Variants in SBF2 observed in about 807,000 individuals in gnomAD.
The protein encoded by SBF2 is SET binding factor 2.
A neutral mutation model predicts 225.2 loss-of-function variants in SBF2; 112 were observed. The ratio of observed to expected loss-of-function variants is 0.50; its 90% CI spans 0.43 to 0.58. The LOEUF is 0.58. Ranked by LOEUF, SBF2 falls within the 20% of genes least tolerant of loss-of-function variation. The probability of loss-of-function intolerance (pLI) is 0.00; values close to 1 mark genes in which losing one functional copy is unlikely to be tolerated. For missense variants in SBF2, 1,996 were observed against 2,206.2 expected (o/e 0.90, Z 1.91); for synonymous variants, 763 against 773.3 (o/e 0.99, Z 0.22).
intron 28 of SBF2, among the ~76,000 whole-genome samples, chr11:9,819,811 G>C (rs1435694693): frequency 6.6e-6 from 1 of 152,164 alleles, no homozygotes; most frequent in Non-Finnish European, 1.5e-5. Flanking sequence ...GAATAACTAA[G>C]GGCATGTTTT....
At chr11:9,938,603 A>G (rs546573958) in intron 16 of SBF2, among the ~76,000 whole-genome samples, 8 of 152,356 alleles carry the variant, frequency 5.3e-5, no homozygotes, top group African/African-American at 1.9e-4. Context: ...CAGTATGTAT[A>G]AAAATCCAAT....
intron 2 of SBF2, among the ~76,000 whole-genome samples, chr11:10,154,204 T>C (rs1424513945): frequency 6.6e-6 from 1 of 152,130 alleles, no homozygotes; most frequent in Non-Finnish European, 1.5e-5. Flanking sequence ...ATTGCTATCC[T>C]ATACAAAAAT....
intron 2 of SBF2, among the ~76,000 whole-genome samples, chr11:10,096,124 C>T (rs1312710324): frequency 6.6e-6 from 1 of 151,950 alleles, no homozygotes. Flanking sequence ...CAAAGGAGAC[C>T]TTCATAAACA....
intron 16 of SBF2, among the ~76,000 whole-genome samples, chr11:9,900,303 T>A (rs1861621609): frequency 6.6e-6 from 1 of 152,202 alleles, no homozygotes; most frequent in Non-Finnish European, 1.5e-5. Context: ...ACTTTTAAAC[T>A]TAACTTCCTC....
At chr11:10,107,772 C>T (rs558854367) in intron 2 of SBF2, among the ~76,000 whole-genome samples, 6 of 152,248 alleles carry the variant, frequency 3.9e-5, no homozygotes, top group South Asian at 4.1e-4. Context: ...ATTTACGGCC[C>T]GTCCTAATAC....
intron 28 of SBF2, among the ~76,000 whole-genome samples, chr11:9,826,717 A>G (rs547378277): frequency 6.0e-4 from 78 of 130,836 alleles, no homozygotes; most frequent in African/African-American, 2.2e-3. Flanking sequence ...TGGTGTGTAT[A>G]TATATATATA....
intron 1 of SBF2, among the ~76,000 whole-genome samples, chr11:10,290,949 C>T (rs1964122363): frequency 6.6e-6 from 1 of 152,084 alleles, no homozygotes; most frequent in South Asian, 2.1e-4. Flanking sequence ...AACCAGGGAT[C>T]CCTAAATGGC....
At chr11:9,816,662 A>G (rs1236304433) in intron 29 of SBF2, among the ~76,000 whole-genome samples, 178 bp downstream of exon 29, 1 of 151,872 alleles carries the variant, frequency 6.6e-6, no homozygotes, top group Admixed American at 6.6e-5. Flanking sequence ...ATGTATTGAT[A>G]TAAAAATTAA....
intron 16 of SBF2, among the ~76,000 whole-genome samples, chr11:9,920,157 T>C (rs967812723): frequency 6.6e-6 from 1 of 151,572 alleles, no homozygotes; most frequent in Non-Finnish European, 1.5e-5. Context: ...ATATAACTCA[T>C]AAGGCTCAAA....
At chr11:10,288,276 AG>A (rs1963930289) in intron 1 of SBF2, among the ~76,000 whole-genome samples, 1 of 152,190 alleles carries the variant, frequency 6.6e-6, no homozygotes, top group Non-Finnish European at 1.5e-5. Flanking sequence ...TTCTGTGACC[AG>A]GAAGAATGAG....
At chr11:9,842,374 T>C (rs1856219558) in intron 25 of SBF2, among the ~76,000 whole-genome samples, 1 of 152,216 alleles carries the variant, frequency 6.6e-6, no homozygotes, top group Admixed American at 6.5e-5. Context: ...CTTCTTTTAA[T>C]GAGACACACA....
rs1334804368 is a variant in SBF2 at position 9,789,365 on chromosome 11, A to G, written c.4699-23T>C. 2.5e-6 allele frequency: 4 copies of G among 1,586,076 alleles called. No homozygotes were observed. The East Asian group carries it at 8.9e-5, about 35-fold the overall frequency. ...AGCCTGTTAAAGAAAACAGAAATAT[A>G]GTTTCATCTTGACCCCAAAGTACCC... On this transcript the variant is annotated intron_variant, in intron 34 of 39. Coordinates refer to ENST00000256190, the MANE Select transcript of SBF2 (RefSeq NM_030962.4).
At chr11:10,297,237 T>G (rs183856725), upstream of SBF2, among the ~76,000 whole-genome samples, 18 of 152,196 alleles carry the variant, frequency 1.2e-4, no homozygotes, top group African/African-American at 4.3e-4. Context: ...CATTTTATTT[T>G]TATGTAGAGA....
chr11:10,046,740 T>C (rs961459823), intron 2 of SBF2, among the ~76,000 whole-genome samples: 2 of 151,866 alleles, frequency 1.3e-5, no homozygotes, highest in Non-Finnish European at 2.9e-5. Context: ...CTTTCACCAC[T>C]GCTTCTCAAT....
At chr11:9,880,084 TAAA>T (rs58140393) in intron 17 of SBF2, among the ~76,000 whole-genome samples, 1 of 51,992 alleles carries the variant, frequency 1.9e-5, no homozygotes, top group Non-Finnish European at 3.5e-5. Flanking sequence ...CTCTGTCTCA[TAAA>T]AAAAAAAAAA....
At chr11:10,083,508 G>C (rs1487954892) in intron 2 of SBF2, among the ~76,000 whole-genome samples, 1 of 152,046 alleles carries the variant, frequency 6.6e-6, no homozygotes, top group Non-Finnish European at 1.5e-5. Context: ...AACCAAAACA[G>C]CATTGTACTA....
chr11:9,966,417 T>C (rs941903752), intron 14 of SBF2, among the ~76,000 whole-genome samples: 2 of 152,228 alleles, frequency 1.3e-5, no homozygotes, highest in Non-Finnish European at 2.9e-5. Context: ...GTAATAAATA[T>C]GTTTACTATC....
chr11:9,812,713 G>A lies in SBF2; in HGVS notation c.3979-5C>T, dbSNP rs771787085. On this transcript the variant is annotated splice_polypyrimidine_tract_variant and splice_region_variant and intron_variant, in intron 29 of 39. Coordinates refer to ENST00000256190, the MANE Select transcript of SBF2 (RefSeq NM_030962.4). ...AGCAAATTCTACCTTGAAGTTCTGC[G>A]GATGAAGATTCAGAGAATTAGGCAG... 1.5e-5 allele frequency: 25 copies of A among 1,613,712 alleles called. No individual in the cohort carries two copies. Among genetic ancestry groups the A allele is most frequent in the South Asian group, 3.3e-5 (3 of 91,078 alleles).
chr11:10,229,580 C>T (rs1196779875), intron 1 of SBF2, among the ~76,000 whole-genome samples: 1 of 151,998 alleles, frequency 6.6e-6, no homozygotes, highest in Non-Finnish European at 1.5e-5. Flanking sequence ...ACCCAGTAGT[C>T]ATTCAGGAGC....
Sources: allele counts gnomAD v4.1 joint callset (sites outside exome capture counted in the v4.1 genomes callset), GRCh38; gene constraint gnomAD v4.1.1; transcripts MANE v1.5; gene names NCBI Gene and HGNC (gene_info 2026-07-23, HGNC 2026-07-21).